B3GALT1: variants seen among roughly 807,000 people sequenced by gnomAD.
B3GALT1 encodes the protein UDP-Gal:betaGlcNAc beta 1,3-galactosyltransferase, polypeptide 1.
Under a neutral mutation model 23.2 loss-of-function variants are expected in B3GALT1, and 10 were observed. The ratio of observed to expected loss-of-function variants is 0.43; its 90% CI spans 0.27 to 0.73. The LOEUF (loss-of-function observed/expected upper bound fraction) is 0.73, where lower values mean the gene tolerates loss of function less well. Ranked by LOEUF, B3GALT1 falls within the 30% of genes least tolerant of loss-of-function variation. B3GALT1 has a pLI of 0.21. For synonymous variants in B3GALT1, 156 were observed against 141.5 expected (o/e 1.10, Z -0.73); for missense variants, 299 against 405.4 (o/e 0.74, Z 2.25).
intron 1 of B3GALT1, among the ~76,000 whole-genome samples, chr2:167,347,599 A>G (rs1044027274): frequency 2.0e-5 from 3 of 152,168 alleles, no homozygotes; most frequent in Admixed American, 6.6e-5. Flanking sequence ...TTTAGGTTCT[A>G]TGTGACTTGG....
intron 3 of B3GALT1, among the ~76,000 whole-genome samples, chr2:167,763,309 G>A (rs1228366079): frequency 1.3e-5 from 2 of 152,100 alleles, no homozygotes; most frequent in African/African-American, 4.8e-5. Flanking sequence ...TCAACCTTTA[G>A]TTGGCCTTTT....
At chr2:167,356,939 T>A (rs1402031933) in intron 1 of B3GALT1, among the ~76,000 whole-genome samples, 2 of 151,994 alleles carry the variant, frequency 1.3e-5, no homozygotes, top group African/African-American at 4.8e-5. Flanking sequence ...ATGAGGAAAT[T>A]GTAAAAATGT....
chr2:167,534,178 A>G (rs1683377665), intron 2 of B3GALT1, among the ~76,000 whole-genome samples: 2 of 152,088 alleles, frequency 1.3e-5, no homozygotes, highest in African/African-American at 4.8e-5. Context: ...TTTTTGGACC[A>G]TTTTTAGCCC....
intron 1 of B3GALT1, among the ~76,000 whole-genome samples, chr2:167,298,129 C>G (rs990724131): frequency 6.6e-6 from 1 of 152,092 alleles, no homozygotes; most frequent in Non-Finnish European, 1.5e-5. Context: ...CTAGCACACT[C>G]CAGCTGATTA....
At chr2:167,394,581 G>A (rs1698066754) in intron 1 of B3GALT1, among the ~76,000 whole-genome samples, 2 of 152,072 alleles carry the variant, frequency 1.3e-5, no homozygotes, top group South Asian at 4.1e-4. Flanking sequence ...TTTTTACTAG[G>A]AGCAATTTGA....
chr2:167,804,906 A>T (rs1688719694), intron 3 of B3GALT1, among the ~76,000 whole-genome samples: 1 of 152,170 alleles, frequency 6.6e-6, no homozygotes, highest in African/African-American at 2.4e-5. Flanking sequence ...CGCCACACTG[A>T]CTTCCACAAT....
chr2:167,487,630 A>C (rs1333368861), intron 1 of B3GALT1, among the ~76,000 whole-genome samples: 1 of 152,192 alleles, frequency 6.6e-6, no homozygotes, highest in African/African-American at 2.4e-5. Flanking sequence ...ACCAAAAAAG[A>C]AACAAGAGGA....
At chr2:167,665,644 T>C (rs1686164112) in intron 3 of B3GALT1, among the ~76,000 whole-genome samples, 1 of 152,182 alleles carries the variant, frequency 6.6e-6, no homozygotes, top group East Asian at 1.9e-4. Context: ...TTTCAGATCC[T>C]GTTATTGGTC....
intron 1 of B3GALT1, among the ~76,000 whole-genome samples, chr2:167,299,314 C>A (rs1696407417): frequency 6.6e-6 from 1 of 152,132 alleles, no homozygotes; most frequent in South Asian, 2.1e-4. Flanking sequence ...TACTACTAGA[C>A]AAGAAGAATT....
rs1690388454 is a variant in B3GALT1, at chr2:167,873,430, G to T, written c.*3410G>T. 2.0e-5 allele frequency: 3 copies of T among 152,068 alleles called. No homozygotes were observed. The highest frequency in any genetic ancestry group is 7.2e-5 in the African/African-American group (3 of 41,396). 9.4% of individuals were successfully genotyped at this position (152,068 alleles called of 1,614,324 possible). ...ACCCCTTTGCGTGACACGATATGGG[G>T]AAAATAAACTATTTACAGAGGAGCC... On this transcript the variant is annotated 3_prime_UTR_variant, in exon 5 of 5. Coordinates refer to ENST00000392690, the MANE Select transcript of B3GALT1 (RefSeq NM_020981.4).
chr2:167,448,938 A>G (rs537343718), intron 1 of B3GALT1, among the ~76,000 whole-genome samples: 3 of 152,030 alleles, frequency 2.0e-5, no homozygotes, highest in Admixed American at 6.6e-5. Context: ...TGGATTCCCT[A>G]TTCCATTTTA....
chr2:167,461,276 C>T (rs995421569), intron 1 of B3GALT1, among the ~76,000 whole-genome samples: 7 of 152,224 alleles, frequency 4.6e-5, no homozygotes, highest in African/African-American at 1.4e-4. Context: ...GTAGCCAGTA[C>T]TGTGCTAATA....
intron 2 of B3GALT1, among the ~76,000 whole-genome samples, chr2:167,566,152 C>T (rs1421388939): frequency 4.6e-5 from 7 of 152,028 alleles, no homozygotes; most frequent in Non-Finnish European, 7.4e-5. Context: ...ACATATACAC[C>T]ATGGAATACT....
In B3GALT1 at chr2:167,744,753, G is replaced by A. The variant is rs112187770; in HGVS notation, c.-351-73919G>A. Among the ~76,000 whole-genome samples, 24 of 152,048 alleles carry A rather than the reference G, an allele frequency of 1.6e-4. No individual in the cohort carries two copies. In the East Asian group the frequency reaches 2.3e-3, roughly 15 times the overall value. Reference sequence around the variant, plus strand: ...ATTACAGGCACTGACCACCACGCCCGGCTAATTTTGTATTTTTAGTAGAAC... The same window carrying A: ...ATTACAGGCACTGACCACCACGCCCAGCTAATTTTGTATTTTTAGTAGAAC... On this transcript the variant is annotated intron_variant, in intron 3 of 4. Coordinates refer to ENST00000392690, the MANE Select transcript of B3GALT1 (RefSeq NM_020981.4).
At chr2:167,509,509 A>G (rs1699971825) in intron 2 of B3GALT1, among the ~76,000 whole-genome samples, 1 of 152,176 alleles carries the variant, frequency 6.6e-6, no homozygotes, top group African/African-American at 2.4e-5. Flanking sequence ...GGGGAAAAAC[A>G]ACATAGGTAA....
chr2:167,714,846 G>C (rs1687118807), intron 3 of B3GALT1: 4 of 1,608,906 alleles, frequency 2.5e-6, no homozygotes, highest in African/African-American at 1.3e-5. Flanking sequence ...TCCTCTATCT[G>C]GTAATTTTCT....
intron 2 of B3GALT1, among the ~76,000 whole-genome samples, chr2:167,502,244 A>G (rs1349169134): frequency 1.3e-5 from 2 of 152,160 alleles, no homozygotes; most frequent in African/African-American, 4.8e-5. Context: ...AATATAACAG[A>G]ATGCCTTTTG....
At chr2:167,808,134 T>C (rs1175348166) in intron 3 of B3GALT1, among the ~76,000 whole-genome samples, 1 of 151,540 alleles carries the variant, frequency 6.6e-6, no homozygotes, top group African/African-American at 2.4e-5. Flanking sequence ...CCCCTGCCTT[T>C]TTTTGTTTTC....
chr2:167,735,681 T>C (rs1375315), intron 3 of B3GALT1, among the ~76,000 whole-genome samples: 23,833 of 152,106 alleles, frequency 0.16, 2,197 homozygotes, highest in Non-Finnish European at 0.21. Context: ...AGGAAGGAAA[T>C]GAAATAATGC....
Sources: gnomAD v4.1 joint callset for allele counts (sites outside exome capture counted in the v4.1 genomes callset) on GRCh38, gnomAD v4.1.1 for gene constraint, MANE v1.5 for transcripts, NCBI Gene and HGNC (gene_info 2026-07-23, HGNC 2026-07-21) for gene names.